COX7B2: variants seen among roughly 807,000 people sequenced by gnomAD.
COX7B2 encodes cytochrome c oxidase subunit 7B2, mitochondrial.
For missense variants in COX7B2, 109 were observed against 95.9 expected (o/e 1.14, Z -0.57); for synonymous variants, 37 against 32.1 (o/e 1.15, Z -0.51).
chr4:46,816,928 G>C (rs1280717817), intron 2 of COX7B2, among the ~76,000 whole-genome samples: 2 of 152,146 alleles, frequency 1.3e-5, no homozygotes, highest in African/African-American at 4.8e-5. Flanking sequence ...TTTTAAGTGG[G>C]AAGTTAGATT....
intron 2 of COX7B2, among the ~76,000 whole-genome samples, chr4:46,769,234 T>C (rs2109508544): frequency 6.6e-6 from 1 of 152,258 alleles, no homozygotes. Flanking sequence ...GATGTAATAT[T>C]ACCCTGATAC....
intron 1 of COX7B2, among the ~76,000 whole-genome samples, chr4:46,864,894 T>TC (rs1488138815): frequency 6.6e-6 from 1 of 152,198 alleles, no homozygotes. Context: ...TCAGCCCGCC[T>TC]CAGCCTCCCA....
intron 1 of COX7B2, among the ~76,000 whole-genome samples, chr4:46,887,786 C>G (rs1719169782): frequency 6.6e-6 from 1 of 151,662 alleles, no homozygotes; most frequent in Non-Finnish European, 1.5e-5. Context: ...CAATGCATCC[C>G]AACTAGGCAA....
At chr4:46,888,986 T>G (rs911269531) in intron 1 of COX7B2, among the ~76,000 whole-genome samples, 1 of 152,216 alleles carries the variant, frequency 6.6e-6, no homozygotes, top group African/African-American at 2.4e-5. Context: ...GTAACTGGAT[T>G]GTTTGTAACA....
chr4:46,836,554 T>C (rs1208208552), intron 2 of COX7B2, among the ~76,000 whole-genome samples: 2 of 151,434 alleles, frequency 1.3e-5, no homozygotes, highest in Non-Finnish European at 2.9e-5. Flanking sequence ...GAATATCCTA[T>C]GGAATGACCT....
At chr4:46,874,453 T>G (rs373100087) in intron 1 of COX7B2, among the ~76,000 whole-genome samples, 51 of 152,292 alleles carry the variant, frequency 3.3e-4, no homozygotes, top group African/African-American at 1.2e-3. Flanking sequence ...ACATCTAATG[T>G]GCAAAACAAA....
chr4:46,734,995 G>T lies in COX7B2; in HGVS notation c.198C>A (p.Asn66Lys), dbSNP rs369665627. The T allele has an allele frequency of 4.3e-6, 7 of 1,613,822 alleles. No homozygotes were observed. The African/African-American group carries it at 9.3e-5, about 22-fold the overall frequency. ...FTATQIGIEW[N>K]LSPVGRVTPK... ...GGGTAACTCTGCCAACAGGGGATAG[G>T]TTCCATTCTATTCCAATCTGAGTGG... is the stretch of plus-strand genomic sequence containing the variant. Residue 66 changes from asparagine to lysine, a missense_variant, in exon 3 of 3, where the codon AAC becomes AAA. Transcript: ENST00000355591.
intron 2 of COX7B2, among the ~76,000 whole-genome samples, chr4:46,800,217 T>C (rs948187597): frequency 1.1e-4 from 16 of 152,256 alleles, no homozygotes; most frequent in Middle Eastern, 3.4e-3. Flanking sequence ...GATTCGATGC[T>C]ATTCATATCA....
At chr4:46,842,647 C>T (rs1241601406) in intron 2 of COX7B2, among the ~76,000 whole-genome samples, 15 of 151,586 alleles carry the variant, frequency 9.9e-5, no homozygotes, top group East Asian at 2.0e-4. Context: ...TGAGAACATG[C>T]GGTGTTTGGT....
At chr4:46,880,960 A>G (rs1400184726) in intron 1 of COX7B2, among the ~76,000 whole-genome samples, 2 of 144,960 alleles carry the variant, frequency 1.4e-5, no homozygotes, top group African/African-American at 5.1e-5. Context: ...AACCTGCACA[A>G]TGTGCACATG....
rs146629878 is a variant in COX7B2 at position 46,806,983 on chromosome 4, A to T, written c.-50+37977T>A. Among the ~76,000 whole-genome samples, 27 of 152,120 alleles carry T rather than the reference A, an allele frequency of 1.8e-4. 1 individual carries two copies. Among genetic ancestry groups the T allele is most frequent in the African/African-American group, 5.8e-4 (24 of 41,548 alleles). The stretch of plus-strand genomic sequence containing the variant: ...TAAATAATGCTGGAGTGAACATGGG[A>T]GTGCAGATGTCTTTTTGAGGTGGTG... On this transcript the variant is annotated intron_variant, in intron 2 of 2. Transcript: ENST00000355591.
chr4:46,740,952 C>G (rs898410517), intron 2 of COX7B2, among the ~76,000 whole-genome samples: 2 of 151,876 alleles, frequency 1.3e-5, no homozygotes, highest in African/African-American at 4.8e-5. Context: ...ATCTAGGCAC[C>G]GAATACTGAA....
chr4:46,741,463 T>A lies in COX7B2; in HGVS notation c.-49-6222A>T, dbSNP rs982076260. Among the ~76,000 whole-genome samples, 4 of 152,056 alleles carry A rather than the reference T, an allele frequency of 2.6e-5. No individual in the cohort carries two copies. In the South Asian group the frequency reaches 8.3e-4, roughly 31 times the overall value. On this transcript the variant is annotated intron_variant, in intron 2 of 2. Coordinates refer to ENST00000355591, the MANE Select transcript of COX7B2 (RefSeq NM_130902.3). ...AAATGTTACCTAGGGTGCAAAATCA[T>A]TCCCAGTTCAGAACCACTGCTGTAT...
chr4:46,757,255 C>T (rs1403541175), intron 2 of COX7B2, among the ~76,000 whole-genome samples: 1 of 123,578 alleles, frequency 8.1e-6, no homozygotes, highest in Non-Finnish European at 1.6e-5. Flanking sequence ...GGGAGCTCAA[C>T]AATATGTACA....
intron 1 of COX7B2, among the ~76,000 whole-genome samples, chr4:46,866,432 C>G (rs1213257415): frequency 1.3e-5 from 2 of 152,176 alleles, no homozygotes; most frequent in Non-Finnish European, 2.9e-5. Flanking sequence ...GCTACCTATT[C>G]TTTTAGGAGT....
At chr4:46,857,629 C>G (rs1277587277) in intron 1 of COX7B2, among the ~76,000 whole-genome samples, 1 of 152,136 alleles carries the variant, frequency 6.6e-6, no homozygotes, top group African/African-American at 2.4e-5. Flanking sequence ...AATATTTTCA[C>G]AGTAGGAACT....
At position 46,753,379 on chromosome 4, in the gene COX7B2, A is replaced by T. The variant is rs145965831; in HGVS notation, c.-49-18138T>A. On this transcript the variant is annotated intron_variant, in intron 2 of 2. Coordinates refer to ENST00000355591, the MANE Select transcript of COX7B2 (RefSeq NM_130902.3). ...TTTTCAAAAAACCAGCACCCAATGG[A>T]ACAGAACAGAGCCCTCAGAAATAAT... Among the ~76,000 whole-genome samples, 1,042 of 152,060 alleles carry T rather than the reference A, an allele frequency of 6.9e-3. 12 individuals are homozygous for T. Among genetic ancestry groups the T allele is most frequent in the African/African-American group, 0.024 (999 of 41,488 alleles).
In COX7B2 at chr4:46,822,329, A is replaced by G. The variant is rs539692394; in HGVS notation, c.-50+22631T>C. Among the ~76,000 whole-genome samples the G allele has an allele frequency of 2.0e-3, 299 of 152,310 alleles. 2 individuals carry two copies. The highest frequency in any genetic ancestry group is 1.9e-3 in the Non-Finnish European group (127 of 68,026). On this transcript the variant is annotated intron_variant, in intron 2 of 2. Transcript: ENST00000355591. The stretch of plus-strand genomic sequence containing the variant: ...GTAAGCCTCAAAAGTGAGAGATTAT[A>G]GCCGTAAGACTCCAGAATACAAAAT...
intron 1 of COX7B2, among the ~76,000 whole-genome samples, chr4:46,860,157 T>C (rs1577667199): frequency 6.6e-6 from 1 of 151,990 alleles, no homozygotes; most frequent in Admixed American, 6.6e-5. Context: ...GGTTAGAAGA[T>C]GGTAAAGCGA....
Sources: gnomAD v4.1 joint callset for allele counts (sites outside exome capture counted in the v4.1 genomes callset) on GRCh38, gnomAD v4.1.1 for gene constraint, MANE v1.5 for transcripts, NCBI Gene and HGNC (gene_info 2026-07-23, HGNC 2026-07-21) for gene names.